The following CPS1 variants were observed in gnomAD, a reference collection of about 807,000 sequenced individuals.
CPS1 encodes carbamoyl-phosphate synthase 1.
Under a neutral mutation model 174.6 loss-of-function variants are expected in CPS1, and 109 were observed. The ratio of observed to expected loss-of-function variants is 0.62; its 90% CI spans 0.53 to 0.73. The LOEUF is 0.73. CPS1 is among the 30% of genes least tolerant of loss of function. The pLI is 0.00. For missense variants in CPS1, 1,689 were observed against 1,821.9 expected (o/e 0.93, Z 1.33); for synonymous variants, 637 against 632.0 (o/e 1.01, Z -0.12).
chr2:210,519,687 C>A (rs1248646610), intron 1 of CPS1: 1 of 949,920 alleles, frequency 1.1e-6, no homozygotes, highest in African/African-American at 1.8e-5. Flanking sequence ...GACCCAAGCC[C>A]CACCAGTCAG....
At chr2:210,591,477 C>T (rs936770232) in intron 9 of CPS1, among the ~76,000 whole-genome samples, 7 of 152,052 alleles carry the variant, frequency 4.6e-5, no homozygotes, top group South Asian at 4.1e-4. Context: ...CTATAACTCT[C>T]GGGCTTTAAA....
intron 1 of CPS1, among the ~76,000 whole-genome samples, chr2:210,509,608 A>G (rs1271259018): frequency 6.6e-6 from 1 of 152,192 alleles, no homozygotes; most frequent in African/African-American, 2.4e-5. Flanking sequence ...TTTGCAGATG[A>G]TGTGATAGTA....
intron 34 of CPS1, chr2:210,674,302 TG>T (rs1701430555): frequency 6.6e-6 from 1 of 152,216 alleles, no homozygotes; most frequent in African/African-American, 2.4e-5. Flanking sequence ...GGAGAAACCC[TG>T]TCTCTACTAA....
chr2:210,579,656 C>G, intron 4 of CPS1, 58 bp from the exon 5 acceptor site: 1 of 1,388,700 alleles, frequency 7.2e-7, no homozygotes, highest in South Asian at 1.2e-5. Flanking sequence ...AACTTGAAAA[C>G]AATATGCTGG....
At chr2:210,647,801 G>T in intron 25 of CPS1, 62 bp from the exon 26 acceptor site, 1 of 1,518,744 alleles carries the variant, frequency 6.6e-7, no homozygotes, top group South Asian at 1.1e-5. Context: ...CACAATATTA[G>T]CATAGTTGTC....
chr2:210,495,327 C>T (rs1171232928), intron 1 of CPS1, among the ~76,000 whole-genome samples: 1 of 152,074 alleles, frequency 6.6e-6, no homozygotes, highest in Non-Finnish European at 1.5e-5. Flanking sequence ...TCCAGTGGTG[C>T]GGCATGCTTC....
rs1696318569 is a variant in CPS1, at chr2:210,538,536, G to A, written c.4-18183G>A. On this transcript the variant is annotated intron_variant, in intron 1 of 38. Transcript: ENST00000430249. ...AATAGAAATTATCTTGTCTACAATAGCAATTTCTGTATTGGTGTTTTCTCA... is the reference window on the plus strand; with the variant it reads ...AATAGAAATTATCTTGTCTACAATAACAATTTCTGTATTGGTGTTTTCTCA... Among the ~76,000 whole-genome samples, 5 of 151,770 alleles carry A rather than the reference G, an allele frequency of 3.3e-5. No individual in the cohort carries two copies. In the South Asian group the frequency reaches 1.0e-3, roughly 32 times the overall value.
In CPS1 at chr2:210,663,157, C is replaced by A. The variant is rs1017903305; in HGVS notation, c.3962C>A (p.Ala1321Asp). 3.1e-6 allele frequency: 5 copies of A among 1,613,288 alleles called. No individual in the cohort carries two copies. The highest frequency in any genetic ancestry group is 4.2e-6 in the Non-Finnish European group (5 of 1,179,928). The change falls in exon 33 of 38, where the codon GCT becomes GAT. Residue 1321 changes from alanine to aspartate, a missense_variant. By Grantham distance (126) the Ala-to-Asp change is moderately radical. Coordinates refer to ENST00000233072, the MANE Select transcript of CPS1 (RefSeq NM_001875.5). The stretch of plus-strand genomic sequence containing the variant: ...TTTTCCTGGCCCCGGTTGAGGGATG[C>A]TGACCCCATTCTGAGATGTGAGATG... ...PMFSWPRLRDADPILRCEMAS... is the reference protein window; with the variant it reads ...PMFSWPRLRDDDPILRCEMAS...
At chr2:210,608,190 C>T (rs1213874837) in intron 18 of CPS1, among the ~76,000 whole-genome samples, 171 bp from the exon 19 acceptor site, 2 of 151,842 alleles carry the variant, frequency 1.3e-5, no homozygotes, top group Admixed American at 1.3e-4. Context: ...TGTATCATGA[C>T]TCCTATTATT....
In CPS1 at chr2:210,640,076, T is replaced by A; in HGVS notation, c.2959+17T>A. ...ATCACATTGGTAAAATAATAAATTA[T>A]GTGTATATAGGACTTTACACAATTT... On this transcript the variant is annotated intron_variant, in intron 24 of 37. Transcript: ENST00000233072. 1.4e-6 allele frequency: 2 copies of A among 1,477,700 alleles called. No individual in the cohort carries two copies. Among genetic ancestry groups the A allele is most frequent in the Non-Finnish European group, 1.9e-6 (2 of 1,056,820 alleles). 91.5% of individuals were successfully genotyped at this position (1,477,700 alleles called of 1,614,324 possible). A position where few individuals can be genotyped will look rare whatever the true frequency, so the allele number is the denominator to read the frequency against.
At chr2:210,624,431 T>A (rs1169177794) in intron 21 of CPS1, among the ~76,000 whole-genome samples, 1 of 152,098 alleles carries the variant, frequency 6.6e-6, no homozygotes, top group African/African-American at 2.4e-5. Flanking sequence ...ATAATGAACC[T>A]CTTCAGGTGT....
At position 210,642,379 on chromosome 2, in the gene CPS1, A is replaced by G. The variant is rs988786972; in HGVS notation, c.2960-105A>G. The G allele has an allele frequency of 5.1e-6, 7 of 1,362,592 alleles. No individual in the cohort carries two copies. In the African/African-American group the frequency reaches 7.2e-5, roughly 14 times the overall value. The allele number at this position is 1,362,592 out of a possible 1,614,324, so 84.4% of individuals were successfully genotyped here. On this transcript the variant is annotated intron_variant, in intron 24 of 37. Transcript: ENST00000233072. ...AGTTTAAAAAATTGAATTGAAAATC[A>G]TTAGCTTCCTTAGCCTGGACTGACT...
In CPS1 at chr2:210,637,813, A is replaced by C; in HGVS notation, c.2799A>C (p.Leu933Phe). The C allele has an allele frequency of 6.2e-7, 1 of 1,613,992 alleles. No homozygotes were observed. The highest frequency in any genetic ancestry group is 8.5e-7 in the Non-Finnish European group (1 of 1,179,906). ...AGGCCCAGACAAGGGAGCTGAGGTT[A>C]AAGAAAAACATCCACCCTTGGGTTA... ...LTEAQTRELR[L>F]KKNIHPWVKQ... The change falls in exon 22 of 38, where the codon TTA (leucine) becomes TTC (phenylalanine). Residue 933 changes from leucine (L) to phenylalanine (F), a missense_variant. Transcript: ENST00000233072.
At chr2:210,572,519 T>C (rs1457222009) in intron 1 of CPS1, among the ~76,000 whole-genome samples, 1 of 152,044 alleles carries the variant, frequency 6.6e-6, no homozygotes, top group Non-Finnish European at 1.5e-5. Flanking sequence ...GAGTAGATGA[T>C]GTCTGCTTCT....
chr2:210,651,231 A>C (rs978721193), intron 28 of CPS1, among the ~76,000 whole-genome samples: 4 of 152,172 alleles, frequency 2.6e-5, no homozygotes, highest in Non-Finnish European at 5.9e-5. Flanking sequence ...GAGTGAAATC[A>C]GGAGCATTTC....
chr2:210,537,410 G>C (rs1236815170), intron 1 of CPS1, among the ~76,000 whole-genome samples: 1 of 152,190 alleles, frequency 6.6e-6, no homozygotes, highest in Non-Finnish European at 1.5e-5. Context: ...TTGTGTATGG[G>C]ATGGTGTACT....
intron 21 of CPS1, among the ~76,000 whole-genome samples, chr2:210,629,788 C>T (rs1228610324): frequency 2.7e-5 from 4 of 150,326 alleles, no homozygotes; most frequent in African/African-American, 7.3e-5. Flanking sequence ...CGGTGGCTCA[C>T]GCCTGTGATC....
Position 210,578,218 on chromosome 2 carries a change from C to T in CPS1, c.471+708C>T, listed in dbSNP as rs116381460. The stretch of plus-strand genomic sequence containing the variant: ...CCACCTCCAGGGTTCAAGCTATTCA[C>T]CTGCTTCAGCCTCCCCAGTAGCTGG... On this transcript the variant is annotated intron_variant, in intron 4 of 37. Transcript: ENST00000233072. Among the ~76,000 whole-genome samples, 1,073 of 152,154 alleles carry T rather than the reference C, an allele frequency of 7.1e-3. 5 individuals carry two copies. The highest frequency in any genetic ancestry group is 0.01 in the Non-Finnish European group (684 of 68,002).
In CPS1 at chr2:210,648,063, G is replaced by A. The variant is rs759257420; in HGVS notation, c.3336+6G>A. The A allele has an allele frequency of 2.5e-6, 4 of 1,613,348 alleles. No homozygotes were observed. Among genetic ancestry groups the A allele is most frequent in the African/African-American group, 1.3e-5 (1 of 74,908 alleles). ...GGAAAGCTGTTAATACTTTGGTAAG[G>A]AGAGAAACAAGTATCTGTTTCTAAT... On this transcript the variant is annotated splice_donor_region_variant and intron_variant, in intron 26 of 37. Coordinates refer to ENST00000233072, the MANE Select transcript of CPS1 (RefSeq NM_001875.5).
Sources: gnomAD v4.1 joint callset for allele counts (sites outside exome capture counted in the v4.1 genomes callset) on GRCh38, gnomAD v4.1.1 for gene constraint, MANE v1.5 for transcripts, NCBI Gene and HGNC (gene_info 2026-07-23, HGNC 2026-07-21) for gene names.